Variants in ATG4A observed in about 807,000 individuals in gnomAD.
ATG4A encodes autophagy related 4A cysteine peptidase, also known as cysteine protease ATG4A.
ATG4A carries 22 observed loss-of-function variants against 38.4 expected under a neutral mutation model. The ratio of observed to expected loss-of-function variants is 0.57; its 90% CI spans 0.41 to 0.82. The LOEUF is 0.82. Among genes scored for constraint, ATG4A ranks in the 40% least tolerant of loss-of-function variants. The probability of loss-of-function intolerance (pLI) is 0.00; values close to 1 mark genes in which losing one functional copy is unlikely to be tolerated. For missense variants in ATG4A, 220 were observed against 290.0 expected (o/e 0.76, Z 1.75); for synonymous variants, 86 against 100.7 (o/e 0.85, Z 0.88).
In ATG4A at chrX:108,121,131, A is replaced by C. The variant is rs770239161; in HGVS notation, c.11-4946A>C. On this transcript the variant is annotated intron_variant, in intron 1 of 12. Transcript: ENST00000372232. The stretch of plus-strand genomic sequence containing the variant: ...TCAGAAAAGCAGGTCACAGGGTGGA[A>C]GACAAATGAAGATGGGGCAAGGCCT... Among the ~76,000 whole-genome samples, 9 of 111,660 alleles carry C rather than the reference A, an allele frequency of 8.1e-5. No individual in the cohort carries two copies. In the East Asian group the frequency reaches 1.7e-3, roughly 21 times the overall value.
At chrX:108,151,737 G>C in intron 10 of ATG4A, 65 bp from the exon 11 acceptor site, 1 of 1,102,258 alleles carries the variant, frequency 9.1e-7, no homozygotes, top group Non-Finnish European at 1.2e-6. Flanking sequence ...CTAATTCTGG[G>C]CCAACAGCTC....
Position 108,121,594 on chromosome X carries a change from A to T in ATG4A, c.11-4483A>T, listed in dbSNP as rs777784601. 2.7e-5 allele frequency among the ~76,000 whole-genome samples: 3 copies of T among 110,871 alleles called. No individual in the cohort carries two copies. The South Asian group carries it at 1.2e-3, about 43-fold the overall frequency. ...CCCTCCCGTCCCCCTTACCACTTAT[A>T]TCTTATTTCCATTAAGGCTCAGCTC... is the stretch of plus-strand genomic sequence containing the variant. On this transcript the variant is annotated intron_variant, in intron 1 of 12. Transcript: ENST00000372232.
At chrX:108,121,085 T>C (rs1291973025) in intron 1 of ATG4A, among the ~76,000 whole-genome samples, 1 of 112,135 alleles carries the variant, frequency 8.9e-6, no homozygotes, top group Non-Finnish European at 1.9e-5. Context: ...CCCAATCTTC[T>C]GTTTTCTAAG....
intron 9 of ATG4A, among the ~76,000 whole-genome samples, chrX:108,145,341 T>C (rs1174182425): frequency 8.9e-6 from 1 of 112,573 alleles, no homozygotes; most frequent in African/African-American, 3.2e-5. Context: ...ACAGTAAAGA[T>C]ATATTGCTGG....
chrX:108,150,428 G>A lies in ATG4A; in HGVS notation c.960+131G>A, dbSNP rs757616512. Reference sequence around the variant, plus strand: ...CTATCCCCATTAGAGGCAGTAGAGTGTAGTGGGGAAGGAATGGACCCTGGA... The same window carrying A: ...CTATCCCCATTAGAGGCAGTAGAGTATAGTGGGGAAGGAATGGACCCTGGA... On this transcript the variant is annotated intron_variant, in intron 10 of 12. Coordinates refer to ENST00000372232, the MANE Select transcript of ATG4A (RefSeq NM_052936.5). The A allele has an allele frequency of 1.1e-5, 10 of 901,231 alleles. No homozygotes were observed. The South Asian group carries it at 1.8e-4, about 16-fold the overall frequency. The allele number at this position is 901,231 out of a possible 1,213,427, so 74.3% of individuals were successfully genotyped here.
At chrX:108,108,276 C>T (rs2032246830) in intron 1 of ATG4A, among the ~76,000 whole-genome samples, 1 of 103,617 alleles carries the variant, frequency 9.7e-6, no homozygotes, top group Non-Finnish European at 1.9e-5. Context: ...CATATTGTTA[C>T]TTGGGTCTTG....
rs748224588 is a variant in ATG4A at position 108,152,123 on chromosome X, A to T, written c.1017+265A>T. 7.4e-5 allele frequency: 19 copies of T among 256,449 alleles called. No individual in the cohort carries two copies. The East Asian group carries it at 1.0e-3, about 14-fold the overall frequency. 21.1% of individuals were successfully genotyped at this position (256,449 alleles called of 1,213,427 possible). On this transcript the variant is annotated intron_variant, in intron 11 of 12. Transcript: ENST00000372232. ...TGAAACCTAATGTTTTATCTCATTAATAGACAATTATTTTCTAAAGGCAAT... is the reference window on the plus strand; with the variant it reads ...TGAAACCTAATGTTTTATCTCATTATTAGACAATTATTTTCTAAAGGCAAT...
chrX:108,147,413 C>T (rs2033451681), intron 9 of ATG4A, among the ~76,000 whole-genome samples: 1 of 111,648 alleles, frequency 9.0e-6, no homozygotes, highest in Non-Finnish European at 1.9e-5. Context: ...TGCAGGGTCC[C>T]ATTCTTTTCC....
intron 1 of ATG4A, among the ~76,000 whole-genome samples, chrX:108,092,380 A>T (rs2031658805): frequency 8.9e-6 from 1 of 112,457 alleles, no homozygotes; most frequent in Admixed American, 9.4e-5. Flanking sequence ...ACAACTATTA[A>T]GCTAATAGTG....
At chrX:108,123,220 C>A (rs2032704945) in intron 1 of ATG4A, among the ~76,000 whole-genome samples, 1 of 112,007 alleles carries the variant, frequency 8.9e-6, no homozygotes, top group Non-Finnish European at 1.9e-5. Flanking sequence ...GAAACTAATT[C>A]TTGGTCCACC....
chrX:108,128,807 A>G lies in ATG4A; in HGVS notation c.148A>G (p.Ser50Gly), dbSNP rs768169773. ...AAAATCTAAGCTGTTGTCTGATATA[A>G]GTGCTCGTCTATGGTTTACATACAG... is the stretch of plus-strand genomic sequence containing the variant. The part of the protein sequence containing the change: ...TEKSKLLSDI[S>G]ARLWFTYRRK... Residue 50 changes from serine to glycine, a missense_variant, in exon 3 of 13, where the codon AGT becomes GGT. Around this residue, in one of 3 missense-constraint regions of ATG4A, gnomAD observed 61 missense variants for 83.3 expected, o/e 0.73. Coordinates refer to ENST00000372232, the MANE Select transcript of ATG4A (RefSeq NM_052936.5). 1 of 1,187,348 alleles carries G rather than the reference A, an allele frequency of 8.4e-7. No individual in the cohort carries two copies. Among genetic ancestry groups the G allele is most frequent in the Non-Finnish European group, 1.1e-6 (1 of 884,208 alleles).
chrX:108,128,396 T>C, intron 2 of ATG4A, among the ~76,000 whole-genome samples: 1 of 111,499 alleles, frequency 9.0e-6, no homozygotes, highest in East Asian at 2.8e-4. Context: ...GGATGATGGG[T>C]GCTGATGCAA....
chrX:108,106,381 A>G (rs2032172191), intron 1 of ATG4A, among the ~76,000 whole-genome samples: 1 of 112,309 alleles, frequency 8.9e-6, no homozygotes, highest in Non-Finnish European at 1.9e-5. Flanking sequence ...TATTTTTAGA[A>G]TCACATCAGA....
chrX:108,103,712 G>A (rs2032088096), intron 1 of ATG4A, among the ~76,000 whole-genome samples: 1 of 111,978 alleles, frequency 8.9e-6, no homozygotes, highest in Admixed American at 9.4e-5. Flanking sequence ...CCTATATTAA[G>A]CTGAAACAAA....
At chrX:108,140,033 T>C (rs1383757831) in intron 9 of ATG4A, among the ~76,000 whole-genome samples, 5 of 112,048 alleles carry the variant, frequency 4.5e-5, no homozygotes, top group African/African-American at 1.3e-4. Context: ...GATTTCAACA[T>C]ATGAATTTTA....
intron 4 of ATG4A, among the ~76,000 whole-genome samples, chrX:108,132,798 G>GAAAAAAA: frequency 1.4e-5 from 1 of 71,247 alleles, no homozygotes; most frequent in Non-Finnish European, 2.7e-5. Context: ...GAGCAAACTG[G>GAAAAAAA]AAAAAAAAAA....
chrX:108,132,697 C>T (rs921824492), intron 4 of ATG4A, among the ~76,000 whole-genome samples: 1 of 108,806 alleles, frequency 9.2e-6, no homozygotes, highest in African/African-American at 3.4e-5. Context: ...ATACATGCTT[C>T]TTGGTGTAGA....
chrX:108,098,434 C>T (rs2031901079), intron 1 of ATG4A, among the ~76,000 whole-genome samples: 1 of 111,669 alleles, frequency 9.0e-6, no homozygotes, highest in Non-Finnish European at 1.9e-5. Flanking sequence ...AGAAAGGCCC[C>T]ATATAATCTT....
At chrX:108,091,429 G>C (rs779996547), upstream of ATG4A, 9 of 1,211,029 alleles carry the variant, frequency 7.4e-6, no homozygotes, top group South Asian at 1.6e-4. Context: ...AGTAGCCAGG[G>C]ATTTATCGGC....
Sources: gnomAD v4.1 joint callset for allele counts (sites outside exome capture counted in the v4.1 genomes callset) on GRCh38, gnomAD v4.1.1 for gene constraint, gnomAD v4.1.1 regional missense constraint, MANE v1.5 for transcripts, NCBI Gene and HGNC (gene_info 2026-07-23, HGNC 2026-07-21) for gene names.